STARD10: variants seen among roughly 807,000 people sequenced by gnomAD.
The protein encoded by STARD10 is START domain-containing protein 10.
STARD10 carries 24 observed loss-of-function variants against 36.0 expected under a neutral mutation model. That is an observed-to-expected ratio of 0.67 (90% CI 0.48 to 0.94). The LOEUF is 0.94. Ranked by LOEUF, STARD10 falls within the 40% of genes least tolerant of loss-of-function variation. The probability of loss-of-function intolerance (pLI) is 0.00; values close to 1 mark genes in which losing one functional copy is unlikely to be tolerated. For synonymous variants in STARD10, 156 were observed against 161.9 expected (o/e 0.96, Z 0.28); for missense variants, 335 against 396.6 (o/e 0.84, Z 1.32).
chr11:72,785,066 C>T (rs762305878), intron 1 of STARD10, among the ~76,000 whole-genome samples: 40 of 152,142 alleles, frequency 2.6e-4, no homozygotes, highest in Non-Finnish European at 4.7e-4. Context: ...TCACACCAGA[C>T]TTTTTGTTCA....
intron 1 of STARD10, among the ~76,000 whole-genome samples, chr11:72,792,297 C>T (rs1305665314): frequency 6.6e-6 from 1 of 151,998 alleles, no homozygotes; most frequent in African/African-American, 2.4e-5. Flanking sequence ...TCAGGTGATC[C>T]GCTCGCCTCA....
chr11:72,783,152 T>G (rs1005117311), intron 1 of STARD10, among the ~76,000 whole-genome samples: 53 of 152,196 alleles, frequency 3.5e-4, no homozygotes, highest in African/African-American at 1.2e-3. Flanking sequence ...TAGAGGTGTT[T>G]CTTCCTGAAG....
chr11:72,756,380 T>C (rs894516968), intron 5 of STARD10, among the ~76,000 whole-genome samples: 1 of 151,954 alleles, frequency 6.6e-6, no homozygotes, highest in Non-Finnish European at 1.5e-5. Flanking sequence ...CCTCTAGTCA[T>C]TCACTCACTC....
intron 2 of STARD10, among the ~76,000 whole-genome samples, chr11:72,773,769 C>T (rs1858895005): frequency 6.6e-6 from 1 of 152,206 alleles, no homozygotes; most frequent in South Asian, 2.1e-4. Context: ...CACGTTATCT[C>T]GTCCTTATGC....
intron 1 of STARD10, among the ~76,000 whole-genome samples, chr11:72,783,159 G>C (rs1277774499): frequency 2.0e-5 from 3 of 152,200 alleles, no homozygotes; most frequent in African/African-American, 7.2e-5. Context: ...GTTTCTTCCT[G>C]AAGTGCTTAA....
intron 2 of STARD10, among the ~76,000 whole-genome samples, chr11:72,771,554 C>T (rs1858857076): frequency 6.6e-6 from 1 of 152,144 alleles, no homozygotes; most frequent in African/African-American, 2.4e-5. Flanking sequence ...GAGATGTTAC[C>T]ATGTCTCACC....
At chr11:72,788,719 C>T (rs1454926146) in intron 1 of STARD10, among the ~76,000 whole-genome samples, 2 of 152,086 alleles carry the variant, frequency 1.3e-5, no homozygotes, top group Non-Finnish European at 2.9e-5. Flanking sequence ...TGCGCCACCA[C>T]GCCCGGCTAA....
At chr11:72,755,277 T>A in intron 6 of STARD10, 135 bp from the exon 7 acceptor site, 2 of 695,744 alleles carry the variant, frequency 2.9e-6, no homozygotes, top group Non-Finnish European at 4.4e-6. Context: ...CTACTTGCCC[T>A]CCCTGGGCCC....
At chr11:72,770,228 A>T (rs543505715) in intron 2 of STARD10, among the ~76,000 whole-genome samples, 503 of 151,784 alleles carry the variant, frequency 3.3e-3, no homozygotes, top group Non-Finnish European at 4.0e-3. Flanking sequence ...TAAAAGAATT[A>T]TTTTTTTTGA....
At chr11:72,775,700 C>CCT (rs1858920733) in intron 2 of STARD10, among the ~76,000 whole-genome samples, 1 of 152,096 alleles carries the variant, frequency 6.6e-6, no homozygotes, top group Admixed American at 6.5e-5. Context: ...GCTGGAGGCT[C>CCT]CTTGAGGGCA....
chr11:72,793,449 A>T lies in STARD10; in HGVS notation c.-688T>A, dbSNP rs1222881085. 6.6e-6 allele frequency: 1 copy of T among 152,258 alleles called. No homozygotes were observed. The allele number at this position is 152,258 out of a possible 1,614,324, so 9.4% of individuals were successfully genotyped here. A position where few individuals can be genotyped will look rare whatever the true frequency, so the allele number is the denominator to read the frequency against. ...CAAGCTGGAAGCAGAGCCTGGGTGC[A>T]GTCCTTGAATCCTGATCCTTCCCTG... On this transcript the variant is annotated 5_prime_UTR_variant, in exon 1 of 7. Coordinates refer to ENST00000334805, the MANE Select transcript of STARD10 (RefSeq NM_006645.3).
chr11:72,756,227 C>T (rs1306275888), intron 5 of STARD10, among the ~76,000 whole-genome samples: 1 of 152,184 alleles, frequency 6.6e-6, no homozygotes, highest in Non-Finnish European at 1.5e-5. Context: ...CACTGCCCAG[C>T]TCTCCACCCT....
chr11:72,756,328 G>C (rs1858643663), intron 5 of STARD10, among the ~76,000 whole-genome samples: 1 of 152,152 alleles, frequency 6.6e-6, no homozygotes. Flanking sequence ...GCGCTCTGGG[G>C]CTTGAAGCAT....
At chr11:72,782,906 C>G (rs916739182) in intron 1 of STARD10, among the ~76,000 whole-genome samples, 1 of 152,338 alleles carries the variant, frequency 6.6e-6, no homozygotes, top group East Asian at 1.9e-4. Flanking sequence ...GAACCTGCCA[C>G]GGTCATCCTG....
At position 72,754,831 on chromosome 11, in the gene STARD10, G is replaced by C; in HGVS notation, c.*66C>G. ...GGTGCCGGGTGGGGGAGGGGAGAAA[G>C]TGCAGGAGCGGCCGCCGCCCCAGGG... On this transcript the variant is annotated 3_prime_UTR_variant, in exon 7 of 7. Transcript: ENST00000334805. The C allele has an allele frequency of 6.5e-7, 1 of 1,550,156 alleles. No homozygotes were observed. The highest frequency in any genetic ancestry group is 8.7e-7 in the Non-Finnish European group (1 of 1,155,142).
At chr11:72,763,238 C>T (rs1453231405) in intron 2 of STARD10, among the ~76,000 whole-genome samples, 1 of 151,976 alleles carries the variant, frequency 6.6e-6, no homozygotes, top group Non-Finnish European at 1.5e-5. Flanking sequence ...GATATTCCAT[C>T]GAATAAAATA....
At chr11:72,777,856 C>T (rs1186597300) in intron 2 of STARD10, among the ~76,000 whole-genome samples, 1 of 152,216 alleles carries the variant, frequency 6.6e-6, no homozygotes, top group East Asian at 1.9e-4. Context: ...CCACCCCCAC[C>T]CTGGGATCAG....
chr11:72,776,921 T>C (rs1479043484), intron 2 of STARD10, among the ~76,000 whole-genome samples: 2 of 151,980 alleles, frequency 1.3e-5, no homozygotes, highest in Non-Finnish European at 2.9e-5. Flanking sequence ...CGCCTGAGCT[T>C]TTCCCAAAGG....
intron 5 of STARD10, among the ~76,000 whole-genome samples, chr11:72,757,257 C>T (rs1858657880): frequency 6.6e-6 from 1 of 151,754 alleles, no homozygotes; most frequent in Non-Finnish European, 1.5e-5. Flanking sequence ...AGACTTAGGG[C>T]AAGGGGCAAG....
Sources: gnomAD v4.1 joint callset for allele counts (sites outside exome capture counted in the v4.1 genomes callset) on GRCh38, gnomAD v4.1.1 for gene constraint, MANE v1.5 for transcripts, NCBI Gene and HGNC (gene_info 2026-07-23, HGNC 2026-07-21) for gene names.